The following SLC66A1 variants were observed in gnomAD, a reference collection of about 807,000 sequenced individuals.
The protein encoded by SLC66A1 is lysosomal amino acid transporter 1 homolog.
A neutral mutation model predicts 33.0 loss-of-function variants in SLC66A1; 23 were observed. That is an observed-to-expected ratio of 0.70 (90% CI 0.50 to 0.99). The LOEUF (loss-of-function observed/expected upper bound fraction) is 0.99, where lower values mean the gene tolerates loss of function less well. Ranked by LOEUF, SLC66A1 falls within the 50% of genes least tolerant of loss-of-function variation. The pLI, the probability that SLC66A1 is intolerant of heterozygous loss-of-function variation, is 0.00. For missense variants in SLC66A1, 335 were observed against 383.6 expected (o/e 0.87, Z 1.06); for synonymous variants, 164 against 175.5 (o/e 0.93, Z 0.52).
In SLC66A1 at chr1:19,315,324, C is replaced by G. The variant is rs190112135; in HGVS notation, c.-78-2276C>G. ...GTCCCCCAGGTGGGCCACGAAGACA[C>G]AGGGAAGAGGCTTTCAGCCTCCCTG... On this transcript the variant is annotated intron_variant, in intron 1 of 7. Transcript: ENST00000375153. Among the ~76,000 whole-genome samples the G allele has an allele frequency of 1.7e-4, 26 of 152,354 alleles. No individual in the cohort carries two copies. The East Asian group carries it at 3.9e-3, about 23-fold the overall frequency.
chr1:19,318,931 G>A (rs2093819581), intron 2 of SLC66A1, among the ~76,000 whole-genome samples: 1 of 152,240 alleles, frequency 6.6e-6, no homozygotes, highest in Non-Finnish European at 1.5e-5. Context: ...AGAGGAAGCA[G>A]CAGATGTACA....
chr1:19,325,471 CT>C, intron 3 of SLC66A1, 23 bp from the exon 4 acceptor site: 1 of 1,553,008 alleles, frequency 6.4e-7, no homozygotes, highest in East Asian at 2.2e-5. Flanking sequence ...GCGCCAACCC[CT>C]GGGCCCCCTG....
At chr1:19,324,819 G>A in intron 3 of SLC66A1, 57 bp downstream of exon 3, 4 of 1,595,248 alleles carry the variant, frequency 2.5e-6, no homozygotes, top group Non-Finnish European at 3.4e-6. Context: ...ACCCTGCAGG[G>A]TTGCCTGAGG....
downstream of SLC66A1, among the ~76,000 whole-genome samples, chr1:19,333,930 AAAC>A (rs879881864): frequency 6.7e-5 from 6 of 88,904 alleles, no homozygotes; most frequent in Non-Finnish European, 1.2e-4. The surrounding 1 kb of genome is among the most constrained non-coding windows in gnomAD (Gnocchi z 4.2). Flanking sequence ...AAACAAAACA[AAAC>A]AAAACACAGG....
At chr1:19,315,268 G>A (rs752937072) in intron 1 of SLC66A1, among the ~76,000 whole-genome samples, 3 of 152,208 alleles carry the variant, frequency 2.0e-5, no homozygotes, top group African/African-American at 7.2e-5. Flanking sequence ...GGAGCATCAG[G>A]TGAAGGCTTC....
intron 2 of SLC66A1, among the ~76,000 whole-genome samples, chr1:19,320,371 G>C (rs2093828112): frequency 6.7e-6 from 1 of 149,968 alleles, no homozygotes; most frequent in Non-Finnish European, 1.5e-5. Flanking sequence ...GCATATGAAG[G>C]CTCCAGTTTC....
At chr1:19,334,032 C>A (rs1186195778), downstream of SLC66A1, among the ~76,000 whole-genome samples, 1 of 152,222 alleles carries the variant, frequency 6.6e-6, no homozygotes. Flanking sequence ...ATAACTACTC[C>A]TCCAGGCCCC....
intron 4 of SLC66A1, 74 bp downstream of exon 4, chr1:19,325,656 G>C: frequency 7.9e-7 from 1 of 1,268,548 alleles, no homozygotes; most frequent in South Asian, 1.3e-5. Flanking sequence ...GGCGCCTGGA[G>C]TGTGGGAGGA....
intron 2 of SLC66A1, among the ~76,000 whole-genome samples, chr1:19,318,792 A>C (rs1426115031): frequency 6.6e-6 from 1 of 151,996 alleles, no homozygotes; most frequent in Non-Finnish European, 1.5e-5. Context: ...CTACCAAAAA[A>C]AAAAAAAAAA....
At chr1:19,324,570 T>A (rs778773949) in intron 2 of SLC66A1, 63 bp from the exon 3 acceptor site, 1 of 1,599,944 alleles carries the variant, frequency 6.3e-7, no homozygotes, top group Non-Finnish European at 8.5e-7. Flanking sequence ...CGGTGTCCCC[T>A]ATAAGGCGGC....
intron 2 of SLC66A1, among the ~76,000 whole-genome samples, chr1:19,320,667 G>A (rs1189800688): frequency 2.6e-5 from 4 of 151,392 alleles, no homozygotes; most frequent in Non-Finnish European, 5.9e-5. Flanking sequence ...CGCCCGCCTT[G>A]GCCTCCCAAA....
chr1:19,334,154 T>C (rs1569825805), downstream of SLC66A1, among the ~76,000 whole-genome samples: 1 of 152,136 alleles, frequency 6.6e-6, no homozygotes, highest in East Asian at 1.9e-4. Context: ...CACCAAACAG[T>C]AGGCAGAGAC....
chr1:19,317,007 C>T lies in SLC66A1; in HGVS notation c.-78-593C>T, dbSNP rs188688655. On this transcript the variant is annotated intron_variant, in intron 1 of 7. Coordinates refer to ENST00000375153, the MANE Select transcript of SLC66A1 (RefSeq NM_001040125.2). ...GTCTCTTGGGCTCAAGCTGTCCTCCCGCCTTGGCCTCCCAAATTGTGGGGA... is the reference window on the plus strand; with the variant it reads ...GTCTCTTGGGCTCAAGCTGTCCTCCTGCCTTGGCCTCCCAAATTGTGGGGA... Among the ~76,000 whole-genome samples the T allele has an allele frequency of 3.0e-3, 458 of 150,598 alleles. 5 individuals carry two copies. Among genetic ancestry groups the T allele is most frequent in the Non-Finnish European group, 2.0e-3 (137 of 67,766 alleles).
intron 6 of SLC66A1, 36 bp from the exon 7 acceptor site, chr1:19,327,191 G>A: frequency 1.3e-6 from 2 of 1,561,492 alleles, no homozygotes; most frequent in Non-Finnish European, 1.8e-6. Context: ...CAAGAGGCCT[G>A]TTCGAGGTCT....
At chr1:19,331,150 T>C (rs1169320224), downstream of SLC66A1, among the ~76,000 whole-genome samples, 1 of 152,212 alleles carries the variant, frequency 6.6e-6, no homozygotes, top group Non-Finnish European at 1.5e-5. Context: ...TAGCTGGGAT[T>C]ACAGGCGCCT....
intron 1 of SLC66A1, among the ~76,000 whole-genome samples, chr1:19,317,244 A>T (rs991753372): frequency 6.6e-6 from 1 of 152,196 alleles, no homozygotes; most frequent in African/African-American, 2.4e-5. Context: ...CAACAGCTGT[A>T]TGTGGGAGGC....
At chr1:19,313,224 C>T (rs2093786680) in intron 1 of SLC66A1, 1 of 985,294 alleles carries the variant, frequency 1.0e-6, no homozygotes, top group Non-Finnish European at 1.2e-6. Flanking sequence ...CAGGTCTGTT[C>T]CAGAGTGCTT....
At chr1:19,327,476 A>G in intron 7 of SLC66A1, 64 bp downstream of exon 7, 8 of 1,527,930 alleles carry the variant, frequency 5.2e-6, no homozygotes, top group Non-Finnish European at 7.1e-6. Flanking sequence ...GCCTGCACAC[A>G]GCGTCAGCAC....
At chr1:19,333,387 C>T (rs1279814744), downstream of SLC66A1, among the ~76,000 whole-genome samples, 1 of 152,064 alleles carries the variant, frequency 6.6e-6, no homozygotes, top group Non-Finnish European at 1.5e-5. This position sits in a 1 kb window ranked among gnomAD's most constrained non-coding sequence, Gnocchi z 4.2. Context: ...CCATGTTGCC[C>T]AGCAGGCTGT....
Sources: allele counts gnomAD v4.1 joint callset (sites outside exome capture counted in the v4.1 genomes callset), GRCh38; gene constraint gnomAD v4.1.1; non-coding constraint Gnocchi (gnomAD v3.1); transcripts MANE v1.5; gene names NCBI Gene and HGNC (gene_info 2026-07-23, HGNC 2026-07-21).